TMTC3: variants seen among roughly 807,000 people sequenced by gnomAD.
TMTC3 encodes the protein protein O-mannosyl-transferase TMTC3.
A neutral mutation model predicts 92.2 loss-of-function variants in TMTC3; 52 were observed. The ratio of observed to expected loss-of-function variants is 0.56; its 90% CI spans 0.45 to 0.71. The LOEUF is 0.71. TMTC3 is among the 30% of genes least tolerant of loss of function. TMTC3 has a pLI of 0.00. For missense variants in TMTC3, 896 were observed against 1,057.1 expected, an observed-to-expected ratio of 0.85 and a Z score of 2.11; for synonymous variants, 339 against 363.3, an observed-to-expected ratio of 0.93 and a Z score of 0.76.
At chr12:88,145,866 T>C (rs1040824850) in intron 1 of TMTC3, among the ~76,000 whole-genome samples, 2 of 152,194 alleles carry the variant, frequency 1.3e-5, no homozygotes, top group African/African-American at 4.8e-5. Context: ...TTTTTTCTTA[T>C]AGACATAATG....
At chr12:88,173,701 A>G (rs1262453425) in intron 8 of TMTC3, among the ~76,000 whole-genome samples, 1 of 152,054 alleles carries the variant, frequency 6.6e-6, no homozygotes, top group Non-Finnish European at 1.5e-5. Flanking sequence ...GCTTTTACCC[A>G]TATATCCATT....
chr12:88,160,907 A>G, intron 6 of TMTC3, 56 bp downstream of exon 6: 4 of 1,460,094 alleles, frequency 2.7e-6, no homozygotes, highest in East Asian at 2.3e-5. Context: ...TTGGATTTTA[A>G]TGATCATAAA....
intron 7 of TMTC3, among the ~76,000 whole-genome samples, chr12:88,167,836 T>A (rs2041163014): frequency 6.6e-6 from 1 of 152,216 alleles, no homozygotes. Context: ...ATAGAAATCT[T>A]ATCCATTAAC....
At chr12:88,148,655 A>T in intron 2 of TMTC3, 151 bp downstream of exon 2, 1 of 613,476 alleles carries the variant, frequency 1.6e-6, no homozygotes, top group Non-Finnish European at 2.7e-6. Flanking sequence ...CATGTTTGTA[A>T]TAAATTGAAC....
Position 88,148,509 on chromosome 12 carries a change from G to C in TMTC3, c.189+5G>C. ...TGGGGAACCCCTATGTCTGAGGTAA[G>C]TAATTACTTACATATTACTTGTACA... On this transcript the variant is annotated splice_donor_5th_base_variant and intron_variant, in intron 2 of 13. Coordinates refer to ENST00000266712, the MANE Select transcript of TMTC3 (RefSeq NM_181783.4). The C allele has an allele frequency of 1.9e-6, 3 of 1,582,692 alleles. No individual in the cohort carries two copies. Among genetic ancestry groups the C allele is most frequent in the Non-Finnish European group, 1.7e-6 (2 of 1,162,136 alleles).
chr12:88,143,958 T>A (rs1463424792), intron 1 of TMTC3, among the ~76,000 whole-genome samples: 1 of 152,218 alleles, frequency 6.6e-6, no homozygotes, highest in Non-Finnish European at 1.5e-5. Flanking sequence ...AGTAACTTCT[T>A]CACATTGCCA....
At position 88,172,628 on chromosome 12, in the gene TMTC3, C is replaced by T. The variant is rs1373060783; in HGVS notation, c.1082C>T (p.Pro361Leu). ...TGTTTAATGGCATTACCATTTATTC[C>T]TGCATCGAACCTTTTTTTTCCAGTT... ...ALCLMALPFI[P>L]ASNLFFPVGF... The change falls in exon 8 of 14, where the codon CCT (proline) becomes CTT (leucine). Residue 361 changes from proline to leucine, a missense_variant. Coordinates refer to ENST00000266712, the MANE Select transcript of TMTC3 (RefSeq NM_181783.4). 2.6e-6 allele frequency: 4 copies of T among 1,542,286 alleles called. No individual in the cohort carries two copies. The East Asian group carries it at 7.1e-5, about 28-fold the overall frequency.
intron 11 of TMTC3, among the ~76,000 whole-genome samples, chr12:88,189,383 C>T (rs1459430205): frequency 1.3e-5 from 2 of 152,064 alleles, no homozygotes; most frequent in African/African-American, 2.4e-5. Flanking sequence ...TGAGCCACTG[C>T]GCCCGGCCGT....
chr12:88,197,256 T>C lies in TMTC3; in HGVS notation c.*1607T>C, dbSNP rs1388140192. The C allele has an allele frequency of 6.9e-6, 1 of 144,936 alleles. No individual in the cohort carries two copies. Among genetic ancestry groups the C allele is most frequent in the Non-Finnish European group, 1.5e-5 (1 of 66,682 alleles). 9.0% of individuals were successfully genotyped at this position (144,936 alleles called of 1,614,324 possible). A position where few individuals can be genotyped will look rare whatever the true frequency, so the allele number is the denominator to read the frequency against. ...TACTAGGTTCCCTAAGGATCTGCCA[T>C]AGATTTTTTTTTTTTTTTTTTTTTT... On this transcript the variant is annotated 3_prime_UTR_variant, in exon 14 of 14. Coordinates refer to ENST00000266712, the MANE Select transcript of TMTC3 (RefSeq NM_181783.4).
In TMTC3 at chr12:88,164,319, C is replaced by T. The variant is rs934612703; in HGVS notation, c.798-2011C>T. Among the ~76,000 whole-genome samples, 9 of 152,058 alleles carry T rather than the reference C, an allele frequency of 5.9e-5. No individual in the cohort carries two copies. In the East Asian group the frequency reaches 7.7e-4, roughly 13 times the overall value. The stretch of plus-strand genomic sequence containing the variant: ...ATTCTTCCTCACTAATTCTAGCCCC[C>T]GCACTCCTAGGGCTCCCAACTTCAT... On this transcript the variant is annotated intron_variant, in intron 6 of 13. Transcript: ENST00000266712.
chr12:88,175,986 T>G (rs1206842409), intron 9 of TMTC3, among the ~76,000 whole-genome samples: 3 of 152,198 alleles, frequency 2.0e-5, no homozygotes, highest in Non-Finnish European at 4.4e-5. Flanking sequence ...AATGTTAATA[T>G]ATAACGTGAA....
At chr12:88,177,506 G>A (rs964293329) in intron 10 of TMTC3, among the ~76,000 whole-genome samples, 1 of 152,132 alleles carries the variant, frequency 6.6e-6, no homozygotes, top group Non-Finnish European at 1.5e-5. Flanking sequence ...TGGTTAAGAA[G>A]GGATGTGAGA....
In TMTC3 at chr12:88,196,871, T is replaced by C. The variant is rs759936371; in HGVS notation, c.*1222T>C. The C allele has an allele frequency of 1.3e-5, 2 of 151,804 alleles. No homozygotes were observed. Among genetic ancestry groups the C allele is most frequent in the African/African-American group, 4.8e-5 (2 of 41,424 alleles). The allele number at this position is 151,804 out of a possible 1,614,324, so 9.4% of individuals were successfully genotyped here. A position where few individuals can be genotyped will look rare whatever the true frequency, so the allele number is the denominator to read the frequency against. On this transcript the variant is annotated 3_prime_UTR_variant, in exon 14 of 14. Transcript: ENST00000266712. ...ATAAAAGATAATTAGCCTACTATAG[T>C]ATTAATAAATTTTTCAGTTGGTTTG...
chr12:88,183,084 G>A (rs941812962), intron 10 of TMTC3, among the ~76,000 whole-genome samples: 57 of 152,148 alleles, frequency 3.7e-4, no homozygotes, highest in African/African-American at 1.3e-3. Flanking sequence ...TCCAAGGGCT[G>A]TTTGACGGTT....
At chr12:88,142,847 T>C (rs1462629446) in intron 1 of TMTC3, among the ~76,000 whole-genome samples, 1 of 152,076 alleles carries the variant, frequency 6.6e-6, no homozygotes, top group African/African-American at 2.4e-5. Context: ...GCTTGATGGT[T>C]GTGGAGCTAG....
Position 88,153,275 on chromosome 12 carries a change from C to G in TMTC3, c.190-16C>G, listed in dbSNP as rs373623257. Reference sequence around the variant, plus strand: ...CCAAGGTACTTTAATAATCACTGATCGTTTTTTCCTTGTAGGAGAGAAGCC... The same window carrying G: ...CCAAGGTACTTTAATAATCACTGATGGTTTTTTCCTTGTAGGAGAGAAGCC... On this transcript the variant is annotated splice_polypyrimidine_tract_variant and intron_variant, in intron 2 of 13. Transcript: ENST00000266712. 6.9e-6 allele frequency: 11 copies of G among 1,585,540 alleles called. No individual in the cohort carries two copies. The East Asian group carries it at 2.2e-4, about 32-fold the overall frequency.
chr12:88,150,149 G>A (rs192835801), intron 2 of TMTC3, among the ~76,000 whole-genome samples: 217 of 152,304 alleles, frequency 1.4e-3, no homozygotes, highest in Middle Eastern at 3.4e-3. Context: ...AAGCATAGCA[G>A]CATCTGCTTC....
Position 88,196,405 on chromosome 12 carries a change from T to C in TMTC3, c.*756T>C, listed in dbSNP as rs1277522130. The C allele has an allele frequency of 6.6e-6, 1 of 152,376 alleles. No individual in the cohort carries two copies. The highest frequency in any genetic ancestry group is 1.5e-5 in the Non-Finnish European group (1 of 67,858). The allele number at this position is 152,376 out of a possible 1,614,324, so 9.4% of individuals were successfully genotyped here. On this transcript the variant is annotated 3_prime_UTR_variant, in exon 14 of 14. Transcript: ENST00000266712. ...ACATGAATCACATAATCATGATTTT[T>C]TTTTTTTACTTTTACTCCCCAAATT...
At position 88,174,739 on chromosome 12, in the gene TMTC3, T is replaced by C; in HGVS notation, c.1320+12T>C. ...TGTCAGCCTTGAAGGTAAAGTGTTG[T>C]TCAGAATGACAGGAAAGTATGTCAT... On this transcript the variant is annotated intron_variant, in intron 9 of 13. Transcript: ENST00000266712. The C allele has an allele frequency of 6.2e-7, 1 of 1,611,006 alleles. No homozygotes were observed. Among genetic ancestry groups the C allele is most frequent in the Non-Finnish European group, 8.5e-7 (1 of 1,178,502 alleles).
Sources: gnomAD v4.1 joint callset for allele counts (sites outside exome capture counted in the v4.1 genomes callset) on GRCh38, gnomAD v4.1.1 for gene constraint, MANE v1.5 for transcripts, NCBI Gene and HGNC (gene_info 2026-07-23, HGNC 2026-07-21) for gene names.